RBFOX1: variants seen among roughly 807,000 people sequenced by gnomAD.
RBFOX1 encodes RNA binding fox-1 homolog 1, also known as RNA binding protein fox-1 homolog 1.
RBFOX1 carries 8 observed loss-of-function variants against 57.7 expected under a neutral mutation model. The ratio of observed to expected loss-of-function variants is 0.14; its 90% CI spans 0.08 to 0.25. RBFOX1 has a LOEUF of 0.25. Among genes scored for constraint, RBFOX1 ranks in the 10% least tolerant of loss-of-function variants. The pLI is 1.00. For synonymous variants in RBFOX1, 326 were observed against 222.4 expected (o/e 1.47, Z -4.15); for missense variants, 611 against 548.5 (o/e 1.11, Z -1.14).
chr16:7,519,808 G>A (rs1269277657), intron 5 of RBFOX1: 2 of 817,422 alleles, frequency 2.4e-6, no homozygotes, highest in Non-Finnish European at 3.0e-6. Context: ...CATTTCCTGT[G>A]ATAAAAGAAA....
chr16:5,814,065 C>T (rs572138623), intron 3 of RBFOX1, among the ~76,000 whole-genome samples: 1 of 152,302 alleles, frequency 6.6e-6, no homozygotes, highest in East Asian at 1.9e-4. Context: ...TTACTAATGT[C>T]AGTGACTAAC....
chr16:6,111,779 C>G (rs1211584785), intron 1 of RBFOX1, among the ~76,000 whole-genome samples: 1 of 152,060 alleles, frequency 6.6e-6, no homozygotes, highest in African/African-American at 2.4e-5. Context: ...GTAGTGGGGT[C>G]AGAAATTCAG....
chr16:7,497,000 C>G (rs1026422077), intron 4 of RBFOX1, among the ~76,000 whole-genome samples: 1 of 152,136 alleles, frequency 6.6e-6, no homozygotes, highest in African/African-American at 2.4e-5. Context: ...TCACGTCTCC[C>G]ATAAATGACC....
intron 2 of RBFOX1, among the ~76,000 whole-genome samples, chr16:6,424,960 C>A (rs189641686): frequency 3.3e-5 from 5 of 152,056 alleles, no homozygotes; most frequent in Non-Finnish European, 5.9e-5. Flanking sequence ...GTCGACATAC[C>A]AAACAGAATA....
intron 4 of RBFOX1, among the ~76,000 whole-genome samples, chr16:7,096,714 C>G (rs1374893948): frequency 6.6e-6 from 1 of 151,934 alleles, no homozygotes; most frequent in Non-Finnish European, 1.5e-5. Context: ...GGTATATCAC[C>G]TGAGGTCAGG....
chr16:7,337,455 T>C (rs770911763), intron 4 of RBFOX1, among the ~76,000 whole-genome samples: 20 of 152,172 alleles, frequency 1.3e-4, no homozygotes, highest in Non-Finnish European at 2.9e-4. Context: ...AGTTGGCTTG[T>C]GATACTGAGA....
intron 1 of RBFOX1, among the ~76,000 whole-genome samples, chr16:6,259,739 C>T (rs775106784): frequency 2.6e-4 from 39 of 152,058 alleles, no homozygotes; most frequent in Middle Eastern, 3.2e-3. Context: ...GGATGGATCA[C>T]CTGAGGTCAG....
chr16:7,137,799 G>A (rs1320407157), intron 4 of RBFOX1, among the ~76,000 whole-genome samples: 1 of 152,162 alleles, frequency 6.6e-6, no homozygotes, highest in African/African-American at 2.4e-5. Context: ...ACTCCAAAAG[G>A]GGAAGGTTGT....
At position 6,344,379 on chromosome 16, in the gene RBFOX1, T is replaced by C. The variant is rs376392802; in HGVS notation, c.-64+27322T>C. ...TATTATACAATTACACAATCTTTCCTTCTCTCTTCTTCTTTTTTCTTTTTT... is the reference window on the plus strand; with the variant it reads ...TATTATACAATTACACAATCTTTCCCTCTCTCTTCTTCTTTTTTCTTTTTT... On this transcript the variant is annotated intron_variant, in intron 2 of 15. Coordinates refer to ENST00000550418, the MANE Select transcript of RBFOX1 (RefSeq NM_018723.4). Among the ~76,000 whole-genome samples the C allele has an allele frequency of 3.4e-4, 47 of 140,058 alleles. No homozygotes were observed. In the East Asian group the frequency reaches 4.6e-3, roughly 14 times the overall value. 91.9% of individuals were successfully genotyped at this position (140,058 alleles called of 152,430 possible).
At chr16:6,336,306 C>G (rs749316273) in intron 2 of RBFOX1, among the ~76,000 whole-genome samples, 1 of 146,650 alleles carries the variant, frequency 6.8e-6, no homozygotes, top group Non-Finnish European at 1.5e-5. Flanking sequence ...TCACGCCATT[C>G]TGCCTCAGCC....
At chr16:5,637,912 C>T (rs1362851619) in intron 3 of RBFOX1, among the ~76,000 whole-genome samples, 1 of 152,168 alleles carries the variant, frequency 6.6e-6, no homozygotes, top group Non-Finnish European at 1.5e-5. Context: ...GTTTCCTTGG[C>T]CAAGCACCAA....
intron 2 of RBFOX1, among the ~76,000 whole-genome samples, chr16:5,536,564 G>C (rs900405681): frequency 1.1e-4 from 17 of 152,082 alleles, no homozygotes; most frequent in African/African-American, 3.6e-4. Context: ...ACACCACAAA[G>C]AAAGCCGATC....
At chr16:5,910,239 C>G (rs2058572963) in intron 4 of RBFOX1, among the ~76,000 whole-genome samples, 1 of 152,030 alleles carries the variant, frequency 6.6e-6, no homozygotes, top group Admixed American at 6.6e-5. Flanking sequence ...GTAGAGACCT[C>G]TATATAGCCT....
intron 4 of RBFOX1, among the ~76,000 whole-genome samples, chr16:7,247,028 G>T (rs189335440): frequency 6.6e-6 from 1 of 152,296 alleles, no homozygotes; most frequent in East Asian, 1.9e-4. Context: ...GCAGGTAACA[G>T]TGAGCACTTG....
At chr16:6,388,951 A>G (rs1408057306) in intron 2 of RBFOX1, among the ~76,000 whole-genome samples, 1 of 152,148 alleles carries the variant, frequency 6.6e-6, no homozygotes, top group Non-Finnish European at 1.5e-5. Flanking sequence ...AGTTCAGGAG[A>G]TGTTGGACAA....
intron 1 of RBFOX1, among the ~76,000 whole-genome samples, chr16:5,337,819 G>A (rs2064936407): frequency 6.6e-6 from 1 of 152,160 alleles, no homozygotes; most frequent in African/African-American, 2.4e-5. Flanking sequence ...ATAAATTAAT[G>A]TATTGCTTGA....
intron 4 of RBFOX1, chr16:7,510,237 G>A (rs1457603952): frequency 5.1e-6 from 5 of 985,766 alleles, no homozygotes; most frequent in Non-Finnish European, 6.0e-6. Context: ...GCGTGCTTGG[G>A]GCAGATGCTT....
chr16:5,577,745 T>C (rs2046516778), intron 2 of RBFOX1, among the ~76,000 whole-genome samples: 1 of 152,134 alleles, frequency 6.6e-6, no homozygotes, highest in Non-Finnish European at 1.5e-5. Flanking sequence ...AACACGTTAA[T>C]ATTCCTGAAA....
intron 1 of RBFOX1, among the ~76,000 whole-genome samples, chr16:6,040,273 T>A (rs2095421861): frequency 6.6e-6 from 1 of 152,236 alleles, no homozygotes; most frequent in Non-Finnish European, 1.5e-5. Flanking sequence ...ACATTCATAT[T>A]GTTGCGCAAG....
Sources: gnomAD v4.1 joint callset for allele counts (sites outside exome capture counted in the v4.1 genomes callset) on GRCh38, gnomAD v4.1.1 for gene constraint, MANE v1.5 for transcripts, NCBI Gene and HGNC (gene_info 2026-07-23, HGNC 2026-07-21) for gene names.